KALRN: variants seen among roughly 807,000 people sequenced by gnomAD.
KALRN encodes the protein kalirin RhoGEF kinase.
A neutral mutation model predicts 353.7 loss-of-function variants in KALRN; 70 were observed. The ratio of observed to expected loss-of-function variants is 0.20; its 90% CI spans 0.16 to 0.24. The LOEUF (loss-of-function observed/expected upper bound fraction) is 0.24, where lower values mean the gene tolerates loss of function less well. KALRN is among the 10% of genes least tolerant of loss of function. The pLI, the probability that KALRN is intolerant of heterozygous loss-of-function variation, is 1.00. For synonymous variants in KALRN, 1,391 were observed against 1,434.8 expected, an observed-to-expected ratio of 0.97 and a Z score of 0.69; for missense variants, 2,791 against 3,756.7, an observed-to-expected ratio of 0.74 and a Z score of 6.72.
At chr3:124,186,100 GA>G (rs1366514277) in intron 1 of KALRN, among the ~76,000 whole-genome samples, 1 of 152,174 alleles carries the variant, frequency 6.6e-6, no homozygotes, top group East Asian at 1.9e-4. Context: ...CTTCATCAGA[GA>G]AAAAGGATGT....
At chr3:124,593,415 G>A (rs1561368121) in intron 34 of KALRN, among the ~76,000 whole-genome samples, 1 of 152,152 alleles carries the variant, frequency 6.6e-6, no homozygotes, top group Non-Finnish European at 1.5e-5. Flanking sequence ...CCACAACTGA[G>A]GGATGGGCTC....
rs752609957 is a variant in KALRN, at chr3:124,667,008, C to T, written c.6532-4C>T. 6.3e-7 allele frequency: 1 copy of T among 1,590,410 alleles called. No individual in the cohort carries two copies. Among genetic ancestry groups the T allele is most frequent in the African/African-American group, 1.3e-5 (1 of 74,240 alleles). On this transcript the variant is annotated splice_polypyrimidine_tract_variant and splice_region_variant and intron_variant, in intron 46 of 59. Transcript: ENST00000682506. ...GTAAAAAGGATCAACTCGTTTTCTT[C>T]CAGATGAATTACTTGGTCCTGGAGG... is the stretch of plus-strand genomic sequence containing the variant.
chr3:124,457,728 A>G (rs899355474), intron 23 of KALRN, among the ~76,000 whole-genome samples: 1 of 152,218 alleles, frequency 6.6e-6, no homozygotes, highest in Non-Finnish European at 1.5e-5. Flanking sequence ...ATGGTGAGCA[A>G]TGAAGCCAGA....
At chr3:124,425,994 G>A (rs2150394508) in intron 15 of KALRN, among the ~76,000 whole-genome samples, 1 of 152,230 alleles carries the variant, frequency 6.6e-6, no homozygotes. Context: ...ACACACCGTG[G>A]GACTGTCGTT....
At chr3:124,091,738 G>A (rs1056583734) in intron 1 of KALRN, among the ~76,000 whole-genome samples, 5 of 152,130 alleles carry the variant, frequency 3.3e-5, no homozygotes, top group South Asian at 2.1e-4. Flanking sequence ...GAGGAAACAC[G>A]TGAATGGGAA....
intron 37 of KALRN, among the ~76,000 whole-genome samples, chr3:124,649,891 A>T (rs974316081): frequency 2.0e-5 from 3 of 150,866 alleles, no homozygotes; most frequent in Non-Finnish European, 4.4e-5. Flanking sequence ...TGGGAGACTG[A>T]AGCGGGAAGA....
chr3:124,529,743 T>C (rs556513853), intron 33 of KALRN, among the ~76,000 whole-genome samples: 4 of 151,638 alleles, frequency 2.6e-5, no homozygotes, highest in Non-Finnish European at 5.9e-5. Context: ...CTACTTGACT[T>C]CTGGGGCCCT....
intron 44 of KALRN, 21 bp downstream of exon 44, chr3:124,660,994 G>A: frequency 6.4e-7 from 1 of 1,564,486 alleles, no homozygotes; most frequent in Non-Finnish European, 8.8e-7. Flanking sequence ...TGCTTGTAAT[G>A]CTTGCTGTTC....
Position 124,395,236 on chromosome 3 carries a change from G to A in KALRN, c.2064G>A (p.Gln688=), listed in dbSNP as rs72978468. The A allele has an allele frequency of 5.1e-4, 826 of 1,613,052 alleles. 6 individuals are homozygous for A. In the African/African-American group the frequency reaches 0.01, roughly 20 times the overall value. Residue 688 remains glutamine (Q), a synonymous_variant, in exon 12 of 60, where the codon CAG becomes CAA. Coordinates refer to ENST00000682506, the MANE Select transcript of KALRN (RefSeq NM_001388419.1). The part of the protein sequence containing the change: ...VQELIKQFQQ[Q]QTATLDATLN... ...AACTGATCAAGCAGTTCCAGCAGCA[G>A]CAGACCGCCACTCTAGATGCCACAC...
At chr3:124,174,316 C>T (rs2072341492) in intron 1 of KALRN, among the ~76,000 whole-genome samples, 1 of 152,056 alleles carries the variant, frequency 6.6e-6, no homozygotes, top group Non-Finnish European at 1.5e-5. Context: ...TGCCTGTAGT[C>T]CAAGCTACTT....
At chr3:124,396,880 T>G (rs765292830) in intron 12 of KALRN, among the ~76,000 whole-genome samples, 1 of 152,320 alleles carries the variant, frequency 6.6e-6, no homozygotes, top group Non-Finnish European at 1.5e-5. Flanking sequence ...GTAACCTGAC[T>G]CTAGCCTAGG....
rs997079559 is a variant in KALRN at position 124,059,389 on chromosome 3, CT to C, written c.73+25586del. 7.7e-4 allele frequency among the ~76,000 whole-genome samples: 114 copies of C among 148,244 alleles called. 1 individual carries two copies. The highest frequency in any genetic ancestry group is 6.1e-4 in the Admixed American group (9 of 14,818). ...CATGTTCAGGACCTCAAATACTTATCTTTTTTTTTTGTGGTGAGAACACTTA... is the reference window on the plus strand; with the variant it reads ...CATGTTCAGGACCTCAAATACTTATCTTTTTTTTTGTGGTGAGAACACTTA... On this transcript the variant is annotated intron_variant, in intron 1 of 59. Coordinates refer to ENST00000682506, the MANE Select transcript of KALRN (RefSeq NM_001388419.1).
rs2039092698 is a variant in KALRN at position 124,033,612 on chromosome 3, AAGCTCCGCGGCCGCC to A, written c.-123_-109del. Among the ~76,000 whole-genome samples the A allele has an allele frequency of 6.6e-6, 1 of 151,292 alleles. No homozygotes were observed. The highest frequency in any genetic ancestry group is 2.4e-5 in the African/African-American group (1 of 41,258). On this transcript the variant is annotated 5_prime_UTR_variant, in exon 1 of 60. Coordinates refer to ENST00000682506, the MANE Select transcript of KALRN (RefSeq NM_001388419.1). This position sits in a 1 kb window ranked among gnomAD's most constrained non-coding sequence, Gnocchi z 6.2. ...CCCCGCCGCCCAACGCCCGCCCTCG[AAGCTCCGCGGCCGCC>A]AGCTCTGCGGCCGCAGCAGCTGCGC...
Position 124,347,173 on chromosome 3 carries a change from G to A in KALRN, c.1678G>A (p.Ala560Thr), listed in dbSNP as rs1189439510. The change falls in exon 10 of 60, where the codon GCC becomes ACC. Residue 560 changes from alanine (A) to threonine (T), a missense_variant. Around this residue, in one of 11 missense-constraint regions of KALRN, gnomAD observed 15 missense variants for 54.6 expected, o/e 0.27. Coordinates refer to ENST00000682506, the MANE Select transcript of KALRN (RefSeq NM_001388419.1). Reference sequence around the variant, plus strand: ...GGACTGGATTGAAAACCATGGTGAGGCCTTTCTCAGCAAACACACTGGAGT... The same window carrying A: ...GGACTGGATTGAAAACCATGGTGAGACCTTTCTCAGCAAACACACTGGAGT... ...VLDWIENHGE[A>T]FLSKHTGVGK... The A allele has an allele frequency of 6.2e-7, 1 of 1,613,912 alleles. No homozygotes were observed. The highest frequency in any genetic ancestry group is 1.3e-5 in the African/African-American group (1 of 74,892).
intron 51 of KALRN, among the ~76,000 whole-genome samples, chr3:124,679,966 A>G (rs1444359876): frequency 6.6e-6 from 1 of 151,956 alleles, no homozygotes; most frequent in African/African-American, 2.4e-5. Flanking sequence ...TATCCTCTTC[A>G]TCTTGCTCTT....
At chr3:124,487,729 G>A (rs1268754481) in intron 28 of KALRN, among the ~76,000 whole-genome samples, 1 of 152,206 alleles carries the variant, frequency 6.6e-6, no homozygotes, top group African/African-American at 2.4e-5. Flanking sequence ...CAGCATTCAG[G>A]CTGTAGAGGC....
chr3:124,248,990 C>T (rs2070738367), intron 3 of KALRN, among the ~76,000 whole-genome samples: 1 of 152,258 alleles, frequency 6.6e-6, no homozygotes, highest in Admixed American at 6.5e-5. Context: ...ATTCAGGCTT[C>T]ACCCTCATTG....
At chr3:124,694,579 A>G in intron 53 of KALRN, 76 bp downstream of exon 53, 10 of 1,421,648 alleles carry the variant, frequency 7.0e-6, no homozygotes, top group Non-Finnish European at 9.7e-6. Context: ...TCTGGGGTGC[A>G]ACTTCTGCTC....
At chr3:124,493,015 T>C (rs1461604262) in intron 32 of KALRN, 133 bp downstream of exon 32, 6 of 912,676 alleles carry the variant, frequency 6.6e-6, no homozygotes, top group Non-Finnish European at 9.8e-6. Flanking sequence ...GAGTTCTACC[T>C]AGGATGAGTC....
Sources: allele counts gnomAD v4.1 joint callset (sites outside exome capture counted in the v4.1 genomes callset), GRCh38; gene constraint gnomAD v4.1.1; regional missense constraint gnomAD v4.1.1; non-coding constraint Gnocchi (gnomAD v3.1); transcripts MANE v1.5; gene names NCBI Gene and HGNC (gene_info 2026-07-23, HGNC 2026-07-21).